MORN1: variants seen among roughly 807,000 people sequenced by gnomAD.
MORN1 encodes MORN repeat-containing protein 1.
Under a neutral mutation model 61.9 loss-of-function variants are expected in MORN1, and 67 were observed. That is an observed-to-expected ratio of 1.08 (90% CI 0.89 to 1.33). The LOEUF (loss-of-function observed/expected upper bound fraction) is 1.33, where lower values mean the gene tolerates loss of function less well. MORN1 is among the 40% of genes most tolerant of loss of function. The probability of loss-of-function intolerance (pLI) is 0.00; values close to 1 mark genes in which losing one functional copy is unlikely to be tolerated. For missense variants in MORN1, 752 were observed against 691.2 expected, an observed-to-expected ratio of 1.09 and a Z score of -0.99; for synonymous variants, 301 against 292.0, an observed-to-expected ratio of 1.03 and a Z score of -0.31.
At chr1:2,374,797 G>A (rs950843901) in intron 6 of MORN1, 41 of 494,744 alleles carry the variant, frequency 8.3e-5, no homozygotes, top group African/African-American at 7.3e-4. Flanking sequence ...GATGCCAGGA[G>A]GTATGGGAAC....
intron 3 of MORN1, 188 bp from the exon 4 acceptor site, chr1:2,387,717 C>G: frequency 1.7e-6 from 1 of 595,776 alleles, no homozygotes; most frequent in Non-Finnish European, 3.0e-6. Flanking sequence ...TCCCCAACAG[C>G]TGGGCATGCA....
At chr1:2,323,701 A>AAGCCCTGCAGCCGGCCTTGCTGGGGAGC in intron 13 of MORN1, 1 of 985,144 alleles carries the variant, frequency 1.0e-6, no homozygotes, top group South Asian at 4.7e-5. Flanking sequence ...CAGGCCCACC[A>AAGCCCTGCAGCCGGCCTTGCTGGGGAGC]AGCCCTGCAG....
intron 8 of MORN1, among the ~76,000 whole-genome samples, chr1:2,360,332 C>T (rs986186618): frequency 1.8e-4 from 28 of 152,222 alleles, no homozygotes; most frequent in Non-Finnish European, 2.9e-5. Context: ...ATTGACACCC[C>T]TGGTTCCAAC....
At chr1:2,389,008 A>C (rs553856185) in intron 2 of MORN1, among the ~76,000 whole-genome samples, 63 of 150,138 alleles carry the variant, frequency 4.2e-4, no homozygotes, top group African/African-American at 1.4e-3. Flanking sequence ...GCTACTCATG[A>C]GGCTGAGGCA....
At chr1:2,387,723 A>G (rs1642539359) in intron 3 of MORN1, 194 bp from the exon 4 acceptor site, 2 of 592,310 alleles carry the variant, frequency 3.4e-6, no homozygotes, top group Non-Finnish European at 6.1e-6. Flanking sequence ...ACAGCTGGGC[A>G]TGCAGACAGC....
intron 10 of MORN1, among the ~76,000 whole-genome samples, chr1:2,338,329 C>T (rs1272189107): frequency 6.6e-6 from 1 of 152,206 alleles, no homozygotes; most frequent in African/African-American, 2.4e-5. Flanking sequence ...ATCCTTCTCC[C>T]AGCAGCTTTT....
At chr1:2,355,076 G>A (rs1641731697) in intron 10 of MORN1, 4 of 850,616 alleles carry the variant, frequency 4.7e-6, no homozygotes, top group Non-Finnish European at 5.7e-6. Context: ...AGTGGGGCCG[G>A]CGCGGGGGGC....
chr1:2,374,529 C>T lies in MORN1; in HGVS notation c.566G>A (p.Gly189Glu), dbSNP rs1465680442. ...KGQWHSDVFS[G>E]LGSMAHCSGV... is the part of the protein sequence containing the mutation. ...TGAGCAGTGGGCCATGCTGCCCAGTCCACTGAAGACGTCGCTGTGCCACTG... is the reference window on the plus strand; with the variant it reads ...TGAGCAGTGGGCCATGCTGCCCAGTTCACTGAAGACGTCGCTGTGCCACTG... The change falls in exon 7 of 14, where the codon GGA becomes GAA. Residue 189 changes from glycine to glutamate, a missense_variant. By Grantham distance (98) the Gly-to-Glu change is moderately conservative. Transcript: ENST00000378531. 1.2e-6 allele frequency: 2 copies of T among 1,601,298 alleles called. No homozygotes were observed. The highest frequency in any genetic ancestry group is 3.5e-5 in the Admixed American group (2 of 57,774).
rs1641288239 is a variant in MORN1, at chr1:2,336,746, G to A, written c.1141C>T (p.Pro381Ser). Residue 381 changes from proline to serine, a missense_variant, in exon 11 of 14, where the codon CCC becomes TCC. Transcript: ENST00000378531. ...TGGAGGCTGTCCAGGAACAGGAAGG[G>A]GTGGTACCCAGGCGGGGGCGGCCCC... Reference protein sequence around the residue: ...LLGPPPPGYHPFLFLDSLHKK... With the variant: ...LLGPPPPGYHSFLFLDSLHKK... 1 of 1,594,290 alleles carries A rather than the reference G, an allele frequency of 6.3e-7. No individual in the cohort carries two copies.
chr1:2,370,749 C>G (rs1003988412), intron 8 of MORN1, among the ~76,000 whole-genome samples: 4 of 150,944 alleles, frequency 2.6e-5, no homozygotes, highest in Admixed American at 1.3e-4. Context: ...AGTCACGGGG[C>G]TCACTGTAGC....
chr1:2,361,387 T>A (rs1293790692), intron 8 of MORN1, among the ~76,000 whole-genome samples: 1 of 151,948 alleles, frequency 6.6e-6, no homozygotes, highest in East Asian at 1.9e-4. Context: ...CAAAACCCCG[T>A]CTCTACTAAA....
At chr1:2,365,214 G>C (rs1169772724) in intron 8 of MORN1, among the ~76,000 whole-genome samples, 1 of 147,726 alleles carries the variant, frequency 6.8e-6, no homozygotes, top group Non-Finnish European at 1.5e-5. Flanking sequence ...TCTTCCATTT[G>C]TTTGTATCCT....
intron 10 of MORN1, chr1:2,351,570 G>A: frequency 8.7e-6 from 2 of 230,104 alleles, no homozygotes; most frequent in South Asian, 1.1e-4. Flanking sequence ...TCTCTGTGTG[G>A]CCTGGTGTGG....
At chr1:2,376,092 G>C (rs114124962) in intron 6 of MORN1, 2 of 152,398 alleles carry the variant, frequency 1.3e-5, no homozygotes. Flanking sequence ...GCTGCTGCAC[G>C]GCATGCCTGG....
intron 10 of MORN1, chr1:2,355,479 C>T: frequency 6.5e-7 from 1 of 1,550,354 alleles, no homozygotes; most frequent in South Asian, 1.2e-5. Flanking sequence ...AAGCACAGAC[C>T]CCCGAGGCTC....
rs1437000412 is a variant in MORN1 at position 2,386,085 on chromosome 1, G to A, written c.359-188C>T. The A allele has an allele frequency of 2.0e-5, 12 of 593,478 alleles. 1 individual carries two copies. The highest frequency in any genetic ancestry group is 9.7e-5 in the South Asian group (5 of 51,308). 36.8% of individuals were successfully genotyped at this position (593,478 alleles called of 1,614,324 possible). ...CTACACAGAGGCCTCAGCACGGCTC[G>A]GTGAGGCTCTGAACGGGAAGGGCAG... is the stretch of plus-strand genomic sequence containing the variant. On this transcript the variant is annotated intron_variant, in intron 4 of 13. Transcript: ENST00000378531.
intron 12 of MORN1, among the ~76,000 whole-genome samples, chr1:2,325,116 T>TCCTTCCCTCCCTCCCTTCCCTCCCTC (rs1640979795): frequency 1.6e-5 from 1 of 61,772 alleles, no homozygotes; most frequent in Non-Finnish European, 2.8e-5. Context: ...TTCCTTCCCT[T>TCCTTCCCTCCCTCCCTTCCCTCCCTC]CCTTCCCTTC....
chr1:2,378,686 G>A, intron 6 of MORN1: 1 of 342,608 alleles, frequency 2.9e-6, no homozygotes, highest in East Asian at 7.7e-5. Flanking sequence ...GAGACACTCT[G>A]ATGTGCACAC....
intron 5 of MORN1, chr1:2,385,551 G>A: frequency 9.7e-6 from 2 of 205,510 alleles, no homozygotes; most frequent in Non-Finnish European, 1.8e-5. Flanking sequence ...ATTTTAATCG[G>A]GGGGGGGGGG....
Sources: gnomAD v4.1 joint callset for allele counts (sites outside exome capture counted in the v4.1 genomes callset) on GRCh38, gnomAD v4.1.1 for gene constraint, MANE v1.5 for transcripts, NCBI Gene and HGNC (gene_info 2026-07-23, HGNC 2026-07-21) for gene names.